AFF2: variants seen among roughly 807,000 people sequenced by gnomAD.
AFF2 encodes the protein ALF transcription elongation factor 2.
Under a neutral mutation model 76.9 loss-of-function variants are expected in AFF2, and 14 were observed. The ratio of observed to expected loss-of-function variants is 0.18; its 90% CI spans 0.12 to 0.28. AFF2 has a LOEUF of 0.28. Among genes scored for constraint, AFF2 ranks in the 10% least tolerant of loss-of-function variants. The pLI is 1.00. For synonymous variants in AFF2, 398 were observed against 366.7 expected (o/e 1.09, Z -0.98); for missense variants, 868 against 1,001.1 (o/e 0.87, Z 1.79).
intron 3 of AFF2, among the ~76,000 whole-genome samples, chrX:148,711,184 T>A (rs1017688143): frequency 1.8e-5 from 2 of 111,635 alleles, no homozygotes; most frequent in Admixed American, 1.9e-4. Flanking sequence ...TAGTTAAAAA[T>A]TTTTCTAATG....
intron 3 of AFF2, among the ~76,000 whole-genome samples, chrX:148,765,015 G>A (rs782741397): frequency 6.3e-5 from 7 of 111,590 alleles, no homozygotes; most frequent in Non-Finnish European, 9.4e-5. Flanking sequence ...CAACTCTGTA[G>A]TCTTTGCTTT....
At chrX:148,605,504 C>G (rs1177737405) in intron 1 of AFF2, among the ~76,000 whole-genome samples, 1 of 111,734 alleles carries the variant, frequency 8.9e-6, no homozygotes, top group Non-Finnish European at 1.9e-5. Flanking sequence ...AATAAGCACA[C>G]CTTGCACCCA....
At chrX:148,852,503 A>C (rs951786582) in intron 7 of AFF2, among the ~76,000 whole-genome samples, 25 of 109,111 alleles carry the variant, frequency 2.3e-4, no homozygotes, top group African/African-American at 8.3e-4. Flanking sequence ...TATTCCTCAT[A>C]ATATATGGAA....
chrX:148,769,248 G>A (rs1557267949), intron 3 of AFF2, among the ~76,000 whole-genome samples: 1 of 111,709 alleles, frequency 9.0e-6, no homozygotes. Context: ...GACTTGCTTT[G>A]TGGAAGGCAA....
chrX:148,652,423 G>T (rs1557256516), intron 2 of AFF2, among the ~76,000 whole-genome samples: 3 of 111,457 alleles, frequency 2.7e-5, no homozygotes, highest in Non-Finnish European at 5.6e-5. Flanking sequence ...ATGCCCCCTT[G>T]ACACTTTCTA....
rs1028904889 is a variant in AFF2, at chrX:148,841,759, A to G, written c.1174-1207A>G. 3.6e-5 allele frequency among the ~76,000 whole-genome samples: 4 copies of G among 111,797 alleles called. No individual in the cohort carries two copies. In the East Asian group the frequency reaches 8.5e-4, roughly 24 times the overall value. ...TGTGATTTGAAAATGAGTGGGAATCATTTGAGTCCTTTGTCAAAAGACAGT... is the reference window on the plus strand; with the variant it reads ...TGTGATTTGAAAATGAGTGGGAATCGTTTGAGTCCTTTGTCAAAAGACAGT... On this transcript the variant is annotated intron_variant, in intron 5 of 20. Coordinates refer to ENST00000370460, the MANE Select transcript of AFF2 (RefSeq NM_002025.4).
chrX:148,517,738 C>T (rs2052551942), intron 1 of AFF2, among the ~76,000 whole-genome samples: 1 of 111,561 alleles, frequency 9.0e-6, no homozygotes, highest in Non-Finnish European at 1.9e-5. Flanking sequence ...ATTTTGATGG[C>T]TGGGCGTGGT....
intron 7 of AFF2, among the ~76,000 whole-genome samples, chrX:148,864,827 T>C (rs782403797): frequency 1.8e-5 from 2 of 111,842 alleles, no homozygotes; most frequent in Non-Finnish European, 3.8e-5. Flanking sequence ...TAATTTTTCC[T>C]GACAAGCTCT....
intron 4 of AFF2, among the ~76,000 whole-genome samples, chrX:148,831,675 T>G (rs2070455898): frequency 8.9e-6 from 1 of 111,933 alleles, no homozygotes; most frequent in African/African-American, 3.3e-5. Flanking sequence ...GATAGCAGAT[T>G]GAAGGTCAAG....
intron 1 of AFF2, among the ~76,000 whole-genome samples, chrX:148,548,754 A>T (rs1557238497): frequency 8.9e-6 from 1 of 112,207 alleles, no homozygotes; most frequent in African/African-American, 3.2e-5. Flanking sequence ...TTTACTTTAA[A>T]ACATCTGTTT....
In AFF2 at chrX:148,557,669, A is replaced by G. The variant is rs145600822; in HGVS notation, c.47+56525A>G. On this transcript the variant is annotated intron_variant, in intron 1 of 20. Transcript: ENST00000370460. Reference sequence around the variant, plus strand: ...TCTTGCATTAGAGATTAAATTTCTAACTTTGGGGGAGACATTCAAACTACA... The same window carrying G: ...TCTTGCATTAGAGATTAAATTTCTAGCTTTGGGGGAGACATTCAAACTACA... 4.6e-4 allele frequency among the ~76,000 whole-genome samples: 52 copies of G among 112,471 alleles called. No homozygotes were observed. The East Asian group carries it at 0.014, about 30-fold the overall frequency.
chrX:148,778,584 T>G (rs782174090), intron 3 of AFF2, among the ~76,000 whole-genome samples: 2 of 110,909 alleles, frequency 1.8e-5, no homozygotes, highest in Non-Finnish European at 3.8e-5. Context: ...TCTTCCTGGT[T>G]TATGTGTCCA....
chrX:148,850,043 A>C (rs2070714901), intron 7 of AFF2, among the ~76,000 whole-genome samples: 1 of 111,636 alleles, frequency 9.0e-6, no homozygotes, highest in Admixed American at 9.4e-5. Flanking sequence ...CTGAAGACAG[A>C]TCTGTCCTCA....
At chrX:148,830,934 T>TTA (rs1557273268) in intron 4 of AFF2, among the ~76,000 whole-genome samples, 6 of 103,825 alleles carry the variant, frequency 5.8e-5, no homozygotes, top group African/African-American at 2.2e-4. Flanking sequence ...TCTACAACTG[T>TTA]AAAAAAAAAA....
intron 3 of AFF2, among the ~76,000 whole-genome samples, chrX:148,738,946 T>G (rs1363629325): frequency 1.8e-5 from 2 of 112,125 alleles, no homozygotes; most frequent in Admixed American, 1.9e-4. Flanking sequence ...CCTTTTGGAG[T>G]TGATTTCCAG....
intron 3 of AFF2, among the ~76,000 whole-genome samples, chrX:148,720,048 C>T (rs73249437): frequency 0.084 from 9,301 of 111,020 alleles, 286 homozygotes; most frequent in Middle Eastern, 0.2. Context: ...TCTGTGTTCT[C>T]TTGTGTCTTT....
At chrX:148,831,975 A>T (rs1365459938) in intron 4 of AFF2, among the ~76,000 whole-genome samples, 1 of 112,457 alleles carries the variant, frequency 8.9e-6, no homozygotes, top group Admixed American at 9.4e-5. Context: ...AGATAAAGAA[A>T]CAGATTCAGC....
chrX:148,720,224 A>G (rs1569554219), intron 3 of AFF2, among the ~76,000 whole-genome samples: 1 of 109,783 alleles, frequency 9.1e-6, no homozygotes, highest in East Asian at 2.9e-4. Context: ...TGGTGGGGGG[A>G]AGTTGTGGCT....
chrX:148,517,531 A>C (rs1329083919), intron 1 of AFF2, among the ~76,000 whole-genome samples: 1 of 111,589 alleles, frequency 9.0e-6, no homozygotes, highest in Admixed American at 9.5e-5. Flanking sequence ...CATTTTTTTC[A>C]CTTGTTGTAC....
Sources: allele counts gnomAD v4.1 joint callset (sites outside exome capture counted in the v4.1 genomes callset), GRCh38; gene constraint gnomAD v4.1.1; transcripts MANE v1.5; gene names NCBI Gene and HGNC (gene_info 2026-07-23, HGNC 2026-07-21).